The following NRXN1 variants were observed in gnomAD, a reference collection of about 807,000 sequenced individuals.
NRXN1 encodes neurexin 1, also known as neurexin-1.
A neutral mutation model predicts 150.9 loss-of-function variants in NRXN1; 39 were observed. The ratio of observed to expected loss-of-function variants is 0.26; its 90% confidence interval spans 0.20 to 0.34. The LOEUF (loss-of-function observed/expected upper bound fraction) is 0.34. Ranked by LOEUF, NRXN1 falls within the 10% of genes least tolerant of loss-of-function variation. NRXN1 has a pLI of 1.00. For synonymous variants in NRXN1, 924 were observed against 757.0 expected (o/e 1.22, Z -3.62); for missense variants, 1,815 against 1,949.9 (o/e 0.93, Z 1.30).
chr2:50,612,089 A>T (rs1313403167), intron 8 of NRXN1, among the ~76,000 whole-genome samples: 3 of 152,196 alleles, frequency 2.0e-5, no homozygotes, highest in Non-Finnish European at 4.4e-5. Flanking sequence ...ACAGAGTGGC[A>T]GTTACGGGCA....
intron 8 of NRXN1, among the ~76,000 whole-genome samples, chr2:50,571,171 G>A (rs1177064012): frequency 6.6e-6 from 1 of 152,186 alleles, no homozygotes; most frequent in Admixed American, 6.6e-5. Flanking sequence ...GAAGGAGATA[G>A]TAGTTAAAAT....
At chr2:50,332,164 T>C (rs559386901) in intron 17 of NRXN1, among the ~76,000 whole-genome samples, 39 of 152,292 alleles carry the variant, frequency 2.6e-4, no homozygotes, top group Middle Eastern at 3.4e-3. Context: ...AATATTTAGG[T>C]GTTGCAGGCA....
chr2:50,461,651 G>C (rs2088229942), intron 17 of NRXN1, among the ~76,000 whole-genome samples: 1 of 151,958 alleles, frequency 6.6e-6, no homozygotes. Flanking sequence ...CTGGCACATA[G>C]TAAGTGCTCA....
chr2:49,977,342 C>T (rs962091349), intron 21 of NRXN1, among the ~76,000 whole-genome samples: 2 of 152,024 alleles, frequency 1.3e-5, no homozygotes, highest in African/African-American at 4.8e-5. Flanking sequence ...CTGGAGGGTG[C>T]TAGCAGCATC....
At chr2:50,447,737 T>TTATATATATATATATATATA (rs70948710) in intron 17 of NRXN1, among the ~76,000 whole-genome samples, 30 of 37,914 alleles carry the variant, frequency 7.9e-4, no homozygotes, top group African/African-American at 2.6e-3. Context: ...CAGGGGAACG[T>TTATATATATATATATATATA]TATATATATA....
intron 17 of NRXN1, among the ~76,000 whole-genome samples, chr2:50,314,433 A>C (rs1056838954): frequency 1.3e-5 from 2 of 152,058 alleles, no homozygotes; most frequent in African/African-American, 4.8e-5. Flanking sequence ...CTCAAATCAG[A>C]AGCAACTCAC....
intron 17 of NRXN1, among the ~76,000 whole-genome samples, chr2:50,334,185 A>G (rs1416422799): frequency 1.6e-5 from 2 of 124,704 alleles, no homozygotes; most frequent in African/African-American, 8.0e-5. Flanking sequence ...CCTTAAGACC[A>G]GGACCAAATA....
intron 18 of NRXN1, among the ~76,000 whole-genome samples, chr2:50,214,515 A>C (rs375989779): frequency 6.6e-6 from 1 of 151,984 alleles, no homozygotes; most frequent in Admixed American, 6.6e-5. Context: ...AGTATGACTA[A>C]TGTAAGCAAC....
intron 5 of NRXN1, chr2:50,630,969 T>A (rs961405): frequency 0.52 from 187,165 of 358,946 alleles, 49,387 homozygotes; most frequent in East Asian, 0.68. Context: ...AGAAAAGGAA[T>A]GTCTGCTTAT....
At position 50,048,400 on chromosome 2, in the gene NRXN1, G is replaced by A. The variant is rs370555549; in HGVS notation, c.4128+4871C>T. 5.9e-5 allele frequency among the ~76,000 whole-genome samples: 9 copies of A among 151,990 alleles called. No individual in the cohort carries two copies. The East Asian group carries it at 1.2e-3, about 20-fold the overall frequency. On this transcript the variant is annotated intron_variant, in intron 21 of 22. Transcript: ENST00000401669. ...AGGAACATATATAATTATAAGTAATGCTATTATTTTTTAATAGCAAAGTTA... is the reference window on the plus strand; with the variant it reads ...AGGAACATATATAATTATAAGTAATACTATTATTTTTTAATAGCAAAGTTA...
chr2:50,637,520 TC>T (rs1475872200), intron 5 of NRXN1: 1 of 152,230 alleles, frequency 6.6e-6, no homozygotes, highest in Non-Finnish European at 1.5e-5. Context: ...TTGAGGTAAC[TC>T]ACAGAATAGA....
intron 17 of NRXN1, chr2:50,464,120 G>T (rs1326249687): frequency 6.6e-6 from 1 of 151,576 alleles, no homozygotes; most frequent in Non-Finnish European, 1.5e-5. Context: ...AACTCAAAAT[G>T]GCGTTATTGT....
intron 5 of NRXN1, among the ~76,000 whole-genome samples, chr2:50,733,803 T>G (rs189482491): frequency 6.6e-6 from 1 of 152,264 alleles, no homozygotes; most frequent in East Asian, 1.9e-4. Context: ...TATAAAGATA[T>G]TTCTAAGAAA....
chr2:49,949,512 G>A (rs1486555639), intron 21 of NRXN1, among the ~76,000 whole-genome samples: 1 of 151,804 alleles, frequency 6.6e-6, no homozygotes, highest in Non-Finnish European at 1.5e-5. Context: ...TTCCAATGAA[G>A]ACGCTTACAG....
intron 7 of NRXN1, chr2:50,620,937 G>A (rs1057216868): frequency 1.9e-5 from 7 of 366,270 alleles, no homozygotes; most frequent in African/African-American, 1.3e-4. Flanking sequence ...ACTCGGGCCA[G>A]CCACCATTTT....
At chr2:50,990,629 C>A (rs551247655) in intron 2 of NRXN1, among the ~76,000 whole-genome samples, 1 of 152,124 alleles carries the variant, frequency 6.6e-6, no homozygotes, top group South Asian at 2.1e-4. Context: ...TCTCTCTTCT[C>A]TCCATTCTTA....
intron 8 of NRXN1, among the ~76,000 whole-genome samples, chr2:50,556,011 G>GA (rs764023837): frequency 2.6e-5 from 4 of 152,160 alleles, no homozygotes; most frequent in Non-Finnish European, 4.4e-5. Context: ...CCAGATACAA[G>GA]AACTCTTTCC....
At chr2:50,638,350 G>A (rs1190405299) in intron 5 of NRXN1, among the ~76,000 whole-genome samples, 5 of 151,998 alleles carry the variant, frequency 3.3e-5, no homozygotes, top group Non-Finnish European at 5.9e-5. Context: ...TTTAATTTTT[G>A]TTAAAGAAAT....
chr2:50,784,204 G>T (rs1040589580), intron 5 of NRXN1, among the ~76,000 whole-genome samples: 1 of 152,094 alleles, frequency 6.6e-6, no homozygotes, highest in Admixed American at 6.6e-5. Flanking sequence ...AGGCACTAGG[G>T]TTATAAAATA....
Sources: allele counts gnomAD v4.1 joint callset (sites outside exome capture counted in the v4.1 genomes callset), GRCh38; gene constraint gnomAD v4.1.1; transcripts MANE v1.5; gene names NCBI Gene and HGNC (gene_info 2026-07-23, HGNC 2026-07-21).